Variants in LAMB4 observed in about 807,000 individuals in gnomAD.
The protein encoded by LAMB4 is laminin subunit beta-4.
In LAMB4, 196 loss-of-function variants were observed where a neutral mutation model predicts 199.2. The observed-to-expected ratio is 0.98, with a 90% CI of 0.88 to 1.11. LAMB4 has a LOEUF of 1.11. Ranked by LOEUF, LAMB4 falls within the 50% of genes least tolerant of loss-of-function variation. The probability of loss-of-function intolerance (pLI) is 0.00; values close to 1 mark genes in which losing one functional copy is unlikely to be tolerated. For missense variants in LAMB4, 2,080 were observed against 2,171.2 expected (o/e 0.96, Z 0.83); for synonymous variants, 744 against 770.6 (o/e 0.97, Z 0.57).
intron 30 of LAMB4, among the ~76,000 whole-genome samples, chr7:108,036,059 T>C (rs1339709957): frequency 2.0e-5 from 3 of 152,128 alleles, no homozygotes; most frequent in Non-Finnish European, 4.4e-5. Context: ...GTTTTCACCA[T>C]GTTGGCCAGG....
intron 17 of LAMB4, chr7:108,075,623 G>C (rs2036671411): frequency 6.6e-6 from 1 of 152,146 alleles, no homozygotes; most frequent in Admixed American, 6.5e-5. Context: ...TGTTGAAGGT[G>C]GGATGAAACT....
chr7:108,068,728 C>T (rs1220784188), intron 18 of LAMB4, among the ~76,000 whole-genome samples: 2 of 152,132 alleles, frequency 1.3e-5, no homozygotes, highest in African/African-American at 4.8e-5. Flanking sequence ...GAATCTCATT[C>T]TATGGCCCAG....
chr7:108,045,083 C>G (rs1370280023), intron 28 of LAMB4, among the ~76,000 whole-genome samples: 1 of 151,608 alleles, frequency 6.6e-6, no homozygotes, highest in African/African-American at 2.4e-5. Context: ...ATTATAGTCA[C>G]TGGCAAATGA....
In LAMB4 at chr7:108,066,414, G is replaced by T; in HGVS notation, c.2633C>A (p.Ser878Ter). The T allele has an allele frequency of 6.2e-7, 1 of 1,614,182 alleles. No homozygotes were observed. The highest frequency in any genetic ancestry group is 8.5e-7 in the Non-Finnish European group (1 of 1,180,014). ...TGTAAAGCCTCCACAATTGAAGCAT[G>T]ACCCTGTCTCAGGATCACAAAGTTC... ...FAELCDPETGSCFNCGGFTTG... is the reference protein window; with the variant it reads ...FAELCDPETG Residue 878 changes from serine to a stop codon, truncating the protein, a stop_gained, in exon 20 of 34, where the codon TCA (serine) becomes TAA (stop). Coordinates refer to ENST00000388781, the MANE Select transcript of LAMB4 (RefSeq NM_007356.3). LOFTEE classifies it high-confidence loss of function.
chr7:108,058,368 G>A (rs561950862), intron 23 of LAMB4, among the ~76,000 whole-genome samples: 8 of 152,260 alleles, frequency 5.3e-5, no homozygotes, highest in Non-Finnish European at 1.2e-4. Context: ...CTGGATTAGC[G>A]TTTTGCTCAA....
At chr7:108,030,098 CAG>C (rs1294697703) in intron 32 of LAMB4, among the ~76,000 whole-genome samples, 2 of 144,950 alleles carry the variant, frequency 1.4e-5, no homozygotes, top group African/African-American at 5.1e-5. Flanking sequence ...AGTCTGGTGA[CAG>C]AGAGAGACTC....
At chr7:108,107,534 C>T (rs2038065740) in intron 6 of LAMB4, 97 bp downstream of exon 6, 2 of 915,858 alleles carry the variant, frequency 2.2e-6, no homozygotes, top group East Asian at 5.5e-5. Flanking sequence ...GCCCAACTTA[C>T]ATTACAGTAA....
downstream of LAMB4, among the ~76,000 whole-genome samples, chr7:108,022,882 G>A (rs577260013): frequency 1.3e-5 from 2 of 152,038 alleles, no homozygotes; most frequent in South Asian, 4.2e-4. Context: ...GCTTGATCTC[G>A]GCTCACTGCA....
intron 7 of LAMB4, 30 bp from the exon 8 acceptor site, chr7:108,106,061 G>T (rs1185123496): frequency 5.9e-6 from 9 of 1,533,906 alleles, no homozygotes; most frequent in Non-Finnish European, 8.1e-6. Flanking sequence ...GAATCAAAGT[G>T]AATTTGAGGT....
chr7:108,115,898 AAAGG>A (rs1328843623), intron 3 of LAMB4, 102 bp downstream of exon 3: 1 of 1,242,546 alleles, frequency 8.0e-7, no homozygotes, highest in Non-Finnish European at 1.1e-6. Context: ...CATTGTTTAA[AAAGG>A]AAGTTGTCTC....
rs1190340728 is a variant in LAMB4, at chr7:108,033,511, C to T, written c.4818+697G>A. Among the ~76,000 whole-genome samples, 5 of 152,056 alleles carry T rather than the reference C, an allele frequency of 3.3e-5. No homozygotes were observed. In the East Asian group the frequency reaches 5.8e-4, roughly 18 times the overall value. ...CTGCAACCTCCGCCCCCTGGAGGAG[C>T]GATTCTGTTGCCTCAGCCTTCCAAG... On this transcript the variant is annotated intron_variant, in intron 31 of 33. Transcript: ENST00000388781.
chr7:108,016,295 T>C, the LAMB4 span, among the ~76,000 whole-genome samples: 1 of 145,118 alleles, frequency 6.9e-6, no homozygotes, highest in East Asian at 2.0e-4. Context: ...TTTTTTTTTT[T>C]TTTTTTGAGA....
At chr7:108,029,684 T>C (rs948915729) in intron 32 of LAMB4, among the ~76,000 whole-genome samples, 1 of 152,064 alleles carries the variant, frequency 6.6e-6, no homozygotes, top group African/African-American at 2.4e-5. Context: ...GGTGGGGAAG[T>C]AGAAGTGTGG....
intron 1 of LAMB4, among the ~76,000 whole-genome samples, chr7:108,127,257 G>T (rs1267154536): frequency 6.7e-6 from 1 of 149,872 alleles, no homozygotes; most frequent in Non-Finnish European, 1.5e-5. Context: ...CAATATCTGG[G>T]GTTAAGGCCC....
chr7:108,126,597 G>A (rs1438717338), intron 1 of LAMB4, among the ~76,000 whole-genome samples: 4 of 105,188 alleles, frequency 3.8e-5, no homozygotes, highest in Middle Eastern at 0.013. Context: ...TCGCTCTGTC[G>A]CCCAGGCCGG....
At chr7:108,056,632 C>T (rs1254901092) in intron 24 of LAMB4, among the ~76,000 whole-genome samples, 1 of 152,164 alleles carries the variant, frequency 6.6e-6, no homozygotes, top group Non-Finnish European at 1.5e-5. Flanking sequence ...TAGGGAATCA[C>T]TAGCCTATGT....
Position 108,103,106 on chromosome 7 carries a change from C to G in LAMB4, c.1118G>C (p.Arg373Pro). 6.2e-7 allele frequency: 1 copy of G among 1,613,480 alleles called. No individual in the cohort carries two copies. The highest frequency in any genetic ancestry group is 8.5e-7 in the Non-Finnish European group (1 of 1,179,578). ...QHNTEGQHCD[R>P]CRPLFYRDPL... ...GTCCCTGTAGAAGAGGGGTCTGCAG[C>G]GGTCGCAGTGCTGCCCCTCAGTGTT... Residue 373 changes from arginine (R) to proline (P), a missense_variant, in exon 10 of 34, where the codon CGC (arginine) becomes CCC (proline). Arg to Pro is a moderately radical substitution (Grantham distance 103). Transcript: ENST00000388781.
intron 23 of LAMB4, among the ~76,000 whole-genome samples, chr7:108,061,739 CA>C (rs60564725): frequency 0.15 from 11,489 of 74,336 alleles, 930 homozygotes; most frequent in African/African-American, 0.29. Flanking sequence ...ACTCTTGTCT[CA>C]AAAAAAAAAA....
Position 108,055,894 on chromosome 7 carries a change from G to A in LAMB4, c.3493C>T (p.His1165Tyr), listed in dbSNP as rs931869235. The change falls in exon 25 of 34, where the codon CAC (histidine) becomes TAC (tyrosine). Residue 1165 changes from histidine (H) to tyrosine (Y), a missense_variant. Coordinates refer to ENST00000388781, the MANE Select transcript of LAMB4 (RefSeq NM_007356.3). ...AGACAAGTAGGGAATTCCTGGCTGT[G>A]TCCCCGGGCACAGCGATCACATCTC... ...GQRCDRCARG[H>Y]SQEFPTCLQC... The A allele has an allele frequency of 6.2e-6, 10 of 1,614,070 alleles. No homozygotes were observed. The highest frequency in any genetic ancestry group is 2.7e-5 in the African/African-American group (2 of 74,924).
Sources: allele counts gnomAD v4.1 joint callset (sites outside exome capture counted in the v4.1 genomes callset), GRCh38; gene constraint gnomAD v4.1.1; transcripts MANE v1.5; gene names NCBI Gene and HGNC (gene_info 2026-07-23, HGNC 2026-07-21).